Variants in PKHD1L1 observed in about 807,000 individuals in gnomAD.
PKHD1L1 encodes fibrocystin-L.
In PKHD1L1, 434 loss-of-function variants were observed where a neutral mutation model predicts 462.9. The ratio of observed to expected loss-of-function variants is 0.94; its 90% confidence interval spans 0.87 to 1.02. The LOEUF is 1.02. PKHD1L1 is among the 50% of genes least tolerant of loss of function. The probability of loss-of-function intolerance (pLI) is 0.00; values close to 1 mark genes in which losing one functional copy is unlikely to be tolerated. For missense variants in PKHD1L1, 5,202 were observed against 5,096.1 expected, an observed-to-expected ratio of 1.02 and a Z score of -0.63; for synonymous variants, 1,781 against 1,750.0, an observed-to-expected ratio of 1.02 and a Z score of -0.44.
At chr8:109,509,409 A>G (rs1484775642) in intron 70 of PKHD1L1, among the ~76,000 whole-genome samples, 3 of 151,974 alleles carry the variant, frequency 2.0e-5, no homozygotes, top group Non-Finnish European at 4.4e-5. Context: ...CAAGTTTTCC[A>G]TTTATGACAA....
intron 2 of PKHD1L1, among the ~76,000 whole-genome samples, chr8:109,379,960 G>A (rs1373017591): frequency 6.6e-6 from 1 of 152,122 alleles, no homozygotes; most frequent in Non-Finnish European, 1.5e-5. Context: ...AGTGATTACT[G>A]AGAACAGGCA....
chr8:109,445,509 C>G lies in PKHD1L1; in HGVS notation c.5640C>G (p.Val1880=). Residue 1880 remains valine (V), a synonymous_variant, in exon 38 of 78, where the codon GTC becomes GTG. Coordinates refer to ENST00000378402, the MANE Select transcript of PKHD1L1 (RefSeq NM_177531.6). ...TTATTTCCATCAACCCCAATGAAGT[C>G]TACTGCCGCACTCCCGCTGGGACCA... ...CQIISINPNE[V]YCRTPAGTTG... The G allele has an allele frequency of 2.5e-6, 4 of 1,613,754 alleles. No individual in the cohort carries two copies. Among genetic ancestry groups the G allele is most frequent in the Non-Finnish European group, 3.4e-6 (4 of 1,179,792 alleles).
At chr8:109,386,527 T>A (rs1812452446) in intron 6 of PKHD1L1, among the ~76,000 whole-genome samples, 1 of 152,198 alleles carries the variant, frequency 6.6e-6, no homozygotes, top group African/African-American at 2.4e-5. Context: ...TTTAAAAGGT[T>A]TTAATGAGTG....
chr8:109,501,635 T>C (rs896397404), intron 67 of PKHD1L1, among the ~76,000 whole-genome samples: 3 of 152,196 alleles, frequency 2.0e-5, no homozygotes, highest in African/African-American at 7.2e-5. Context: ...GTAGCTCCAC[T>C]AACATTGGAA....
At chr8:109,409,053 G>C (rs1313858317) in intron 18 of PKHD1L1, among the ~76,000 whole-genome samples, 1 of 152,144 alleles carries the variant, frequency 6.6e-6, no homozygotes, top group Non-Finnish European at 1.5e-5. Flanking sequence ...ATGAATTTAA[G>C]TTAAAATCTG....
rs7820062 is a variant in PKHD1L1 at position 109,443,727 on chromosome 8, C to T, written c.4616C>T (p.Thr1539Ile). Residue 1539 changes from threonine to isoleucine, a missense_variant, in exon 37 of 78, where the codon ACA becomes ATA. By Grantham distance (89) the Thr-to-Ile change is moderately conservative. This residue lies in a region of PKHD1L1 where 4,497 missense variants were observed against 4,336.8 expected (regional missense o/e 1.04). Transcript: ENST00000378402. Reference protein sequence around the residue: ...LGSSVAGCLATEPLCSLNNTR... With the variant: ...LGSSVAGCLAIEPLCSLNNTR... ...AGCTCTGTGGCAGGCTGCCTAGCAA[C>T]AGAACCCCTGTGCAGCCTGAACAAT... 3.1e-6 allele frequency: 5 copies of T among 1,613,498 alleles called. No homozygotes were observed. The East Asian group carries it at 8.9e-5, about 29-fold the overall frequency.
chr8:109,493,079 C>T (rs1374638998), intron 62 of PKHD1L1, among the ~76,000 whole-genome samples: 3 of 150,570 alleles, frequency 2.0e-5, no homozygotes, highest in African/African-American at 7.3e-5. Flanking sequence ...CACCTGTAAT[C>T]CTAGCTACTT....
chr8:109,388,217 T>G (rs561694510), intron 6 of PKHD1L1, among the ~76,000 whole-genome samples: 17 of 152,198 alleles, frequency 1.1e-4, no homozygotes, highest in Non-Finnish European at 2.5e-4. Flanking sequence ...AAATATGTTA[T>G]GATTATCATG....
At chr8:109,472,282 CTA>C (rs1453445575) in intron 50 of PKHD1L1, among the ~76,000 whole-genome samples, 1 of 152,030 alleles carries the variant, frequency 6.6e-6, no homozygotes, top group African/African-American at 2.4e-5. Context: ...ATTCCTTTAA[CTA>C]TTAATTTTTA....
At chr8:109,418,083 G>A (rs1044593700) in intron 21 of PKHD1L1, among the ~76,000 whole-genome samples, 13 of 152,092 alleles carry the variant, frequency 8.5e-5, no homozygotes, top group African/African-American at 2.9e-4. Context: ...TAATCACAAA[G>A]GCACAGTGTA....
At chr8:109,407,965 TTAAA>T in intron 17 of PKHD1L1, 80 bp from the exon 18 acceptor site, 1 of 932,024 alleles carries the variant, frequency 1.1e-6, no homozygotes, top group Non-Finnish European at 1.4e-6. Context: ...TGAGTGTCTA[TTAAA>T]TATATATAAA....
chr8:109,440,783 G>A lies in PKHD1L1; in HGVS notation c.4030G>A (p.Gly1344Ser). 1 of 1,613,040 alleles carries A rather than the reference G, an allele frequency of 6.2e-7. No individual in the cohort carries two copies. The highest frequency in any genetic ancestry group is 8.5e-7 in the Non-Finnish European group (1 of 1,179,312). ...SMFPQRGSLF[G>S]GTEITIRGFG... is the part of the protein sequence containing the mutation. The stretch of plus-strand genomic sequence containing the variant: ...GTTTCCACAAAGAGGCTCCTTGTTT[G>A]GTGGAACTGAAATCACCATAAGGGG... Residue 1344 changes from glycine (G) to serine (S), a missense_variant, in exon 33 of 78, where the codon GGT (glycine) becomes AGT (serine). Gly to Ser is a moderately conservative substitution (Grantham distance 56). Transcript: ENST00000378402.
In PKHD1L1 at chr8:109,480,125, T is replaced by C; in HGVS notation, c.9313T>C (p.Tyr3105His). 6.4e-7 allele frequency: 1 copy of C among 1,568,462 alleles called. No individual in the cohort carries two copies. The highest frequency in any genetic ancestry group is 8.6e-7 in the Non-Finnish European group (1 of 1,157,078). Residue 3105 changes from tyrosine (Y) to histidine (H), a missense_variant, in exon 55 of 78, where the codon TAC (tyrosine) becomes CAC (histidine). Physicochemically the swap from Tyr to His is moderately conservative, Grantham distance 83 (BLOSUM62 2). This residue lies in a region of PKHD1L1 where 4,497 missense variants were observed against 4,336.8 expected (regional missense o/e 1.04). Coordinates refer to ENST00000378402, the MANE Select transcript of PKHD1L1 (RefSeq NM_177531.6). ...SYREVVLNATYISLQGGRLIG... is the reference protein window; with the variant it reads ...SYREVVLNATHISLQGGRLIG... ...CAGAGAAGTTGTTTTGAATGCTACC[T>C]ACATATCACTGCAGGTAAGAGTGAG...
At chr8:109,396,702 C>A (rs1394922519) in intron 11 of PKHD1L1, among the ~76,000 whole-genome samples, 1 of 152,130 alleles carries the variant, frequency 6.6e-6, no homozygotes, top group Non-Finnish European at 1.5e-5. Flanking sequence ...CTGTCCAGAT[C>A]TGTTCAGAGG....
At chr8:109,366,358 G>A (rs1295694871) in intron 2 of PKHD1L1, among the ~76,000 whole-genome samples, 3 of 152,134 alleles carry the variant, frequency 2.0e-5, no homozygotes, top group South Asian at 2.1e-4. Flanking sequence ...GACTAAAAAC[G>A]TGTTCTCATA....
intron 6 of PKHD1L1, among the ~76,000 whole-genome samples, chr8:109,386,479 C>T (rs1005040014): frequency 1.3e-5 from 2 of 152,106 alleles, no homozygotes; most frequent in African/African-American, 2.4e-5. Flanking sequence ...GGTATATATA[C>T]ACACACATAC....
chr8:109,398,409 T>G, intron 11 of PKHD1L1, 50 bp from the exon 12 acceptor site: 1 of 1,157,062 alleles, frequency 8.6e-7, no homozygotes, highest in African/African-American at 1.5e-5. Flanking sequence ...TGATGTGATT[T>G]GCATTCTGAA....
chr8:109,413,689 C>T, intron 21 of PKHD1L1, 144 bp downstream of exon 21: 1 of 498,892 alleles, frequency 2.0e-6, no homozygotes, highest in Non-Finnish European at 3.2e-6. Flanking sequence ...ATGTAAATGG[C>T]AGTTTTCCTA....
intron 11 of PKHD1L1, among the ~76,000 whole-genome samples, chr8:109,396,738 G>T (rs983473081): frequency 6.6e-6 from 1 of 152,164 alleles, no homozygotes; most frequent in African/African-American, 2.4e-5. Context: ...CTCAAAAGAG[G>T]TGAATGTGAT....
Sources: allele counts gnomAD v4.1 joint callset (sites outside exome capture counted in the v4.1 genomes callset), GRCh38; gene constraint gnomAD v4.1.1; regional missense constraint gnomAD v4.1.1; transcripts MANE v1.5; gene names NCBI Gene and HGNC (gene_info 2026-07-23, HGNC 2026-07-21).